Variants in CEP128 observed in about 807,000 individuals in gnomAD.
CEP128 encodes the protein centrosomal protein 128kDa.
A neutral mutation model predicts 156.7 loss-of-function variants in CEP128; 132 were observed. The observed-to-expected ratio is 0.84, with a 90% CI of 0.73 to 0.97. The LOEUF is 0.97. Ranked by LOEUF, CEP128 falls within the 50% of genes least tolerant of loss-of-function variation. CEP128 has a pLI of 0.00. For synonymous variants in CEP128, 469 were observed against 448.9 expected (o/e 1.04, Z -0.57); for missense variants, 1,252 against 1,281.9 (o/e 0.98, Z 0.36).
At chr14:80,920,304 G>A (rs1349207743) in intron 2 of CEP128, among the ~76,000 whole-genome samples, 2 of 152,136 alleles carry the variant, frequency 1.3e-5, no homozygotes, top group South Asian at 2.1e-4. Flanking sequence ...AGGACTGATG[G>A]AGAGAGAAAC....
At position 80,583,329 on chromosome 14, in the gene CEP128, A is replaced by T. The variant is rs578051609; in HGVS notation, c.2807-2906T>A. 5.3e-5 allele frequency among the ~76,000 whole-genome samples: 8 copies of T among 149,772 alleles called. No homozygotes were observed. In the East Asian group the frequency reaches 5.9e-4, roughly 11 times the overall value. ...TAAGCAGACACCTGTTTTGGTTTTT[A>T]TTTTTTTTTTCTTTGTGCCACATAT... On this transcript the variant is annotated intron_variant, in intron 19 of 24. Coordinates refer to ENST00000555265, the MANE Select transcript of CEP128 (RefSeq NM_152446.5).
intron 13 of CEP128, among the ~76,000 whole-genome samples, chr14:80,825,236 T>A (rs1225964857): frequency 1.3e-5 from 2 of 152,212 alleles, no homozygotes; most frequent in Non-Finnish European, 2.9e-5. Flanking sequence ...ACCCCCCAAG[T>A]AATTGGTATT....
chr14:80,576,306 T>C (rs1462685783), intron 20 of CEP128, among the ~76,000 whole-genome samples: 1 of 152,106 alleles, frequency 6.6e-6, no homozygotes, highest in East Asian at 1.9e-4. Flanking sequence ...TTTCAATGTA[T>C]CTCAAACTCA....
intron 19 of CEP128, among the ~76,000 whole-genome samples, chr14:80,707,639 G>T (rs1342501223): frequency 6.6e-6 from 1 of 151,950 alleles, no homozygotes; most frequent in Non-Finnish European, 1.5e-5. Flanking sequence ...TCCAACATGA[G>T]GTCATACTGA....
intron 8 of CEP128, among the ~76,000 whole-genome samples, chr14:80,874,942 T>C (rs1020472131): frequency 6.6e-6 from 1 of 152,148 alleles, no homozygotes; most frequent in Non-Finnish European, 1.5e-5. Context: ...TTTAAAACAC[T>C]GGGAAGTTAA....
intron 19 of CEP128, among the ~76,000 whole-genome samples, chr14:80,734,855 A>G (rs1314591030): frequency 6.7e-6 from 1 of 150,244 alleles, no homozygotes; most frequent in Non-Finnish European, 1.5e-5. Flanking sequence ...TCAAAAAAAA[A>G]AAAAAAAAAA....
At chr14:80,716,559 T>G (rs1897613365) in intron 19 of CEP128, among the ~76,000 whole-genome samples, 1 of 152,226 alleles carries the variant, frequency 6.6e-6, no homozygotes, top group African/African-American at 2.4e-5. Context: ...GGTGCATCCA[T>G]GTAGTAAAAT....
intron 21 of CEP128, among the ~76,000 whole-genome samples, chr14:80,552,265 C>T (rs1324619652): frequency 1.3e-5 from 2 of 151,046 alleles, no homozygotes; most frequent in Admixed American, 6.6e-5. Context: ...GCTGAGATGG[C>T]GCTACTGCAC....
intron 19 of CEP128, among the ~76,000 whole-genome samples, chr14:80,603,733 T>C (rs1004069994): frequency 5.9e-5 from 9 of 152,182 alleles, no homozygotes; most frequent in African/African-American, 2.2e-4. Context: ...ATTATGAATA[T>C]AAATTATGTG....
intron 5 of CEP128, 26 bp from the exon 6 acceptor site, chr14:80,904,957 GTA>G (rs1439397647): frequency 7.7e-7 from 1 of 1,294,864 alleles, no homozygotes. Context: ...AAAAGGGAAG[GTA>G]TTAAAATACT....
intron 19 of CEP128, among the ~76,000 whole-genome samples, chr14:80,591,338 A>G (rs1436187856): frequency 6.6e-6 from 1 of 152,184 alleles, no homozygotes; most frequent in Non-Finnish European, 1.5e-5. Context: ...GGAAAGAAAA[A>G]AAAAAGCAGG....
chr14:80,500,072 C>A (rs751994089), intron 24 of CEP128, among the ~76,000 whole-genome samples: 17 of 152,202 alleles, frequency 1.1e-4, no homozygotes, highest in Middle Eastern at 3.2e-3. Flanking sequence ...TTCTTCCTGG[C>A]AGAAGGAATC....
intron 19 of CEP128, among the ~76,000 whole-genome samples, chr14:80,662,393 T>G (rs894191220): frequency 1.4e-4 from 21 of 152,206 alleles, no homozygotes; most frequent in Non-Finnish European, 2.9e-4. Flanking sequence ...ACTATCCTTC[T>G]TAATTATTGG....
intron 14 of CEP128, among the ~76,000 whole-genome samples, chr14:80,790,138 A>C (rs946083000): frequency 6.6e-6 from 1 of 152,126 alleles, no homozygotes; most frequent in Non-Finnish European, 1.5e-5. Context: ...ATGGTAATTT[A>C]AGATTCTTGA....
intron 18 of CEP128, among the ~76,000 whole-genome samples, chr14:80,749,334 T>C (rs1899270571): frequency 6.6e-6 from 1 of 152,200 alleles, no homozygotes; most frequent in Non-Finnish European, 1.5e-5. Context: ...GCTCCCACAT[T>C]TGTTGTGGCA....
In CEP128 at chr14:80,570,687, G is replaced by A. The variant is rs112568054; in HGVS notation, c.2856+9687C>T. On this transcript the variant is annotated intron_variant, in intron 20 of 24. Coordinates refer to ENST00000555265, the MANE Select transcript of CEP128 (RefSeq NM_152446.5). ...AACAGCCCAGCAAAATGGAACTAATGGAAATATCATATGCATACAGTGAGG... is the reference window on the plus strand; with the variant it reads ...AACAGCCCAGCAAAATGGAACTAATAGAAATATCATATGCATACAGTGAGG... Among the ~76,000 whole-genome samples, 34 of 152,158 alleles carry A rather than the reference G, an allele frequency of 2.2e-4. 1 individual carries two copies. The highest frequency in any genetic ancestry group is 7.7e-4 in the African/African-American group (32 of 41,516).
chr14:80,637,898 C>T (rs1894254937), intron 19 of CEP128, among the ~76,000 whole-genome samples: 1 of 152,150 alleles, frequency 6.6e-6, no homozygotes, highest in South Asian at 2.1e-4. Context: ...TCAAGAAATG[C>T]CAGCAGTCAC....
At chr14:80,800,373 G>A (rs10139628) in intron 13 of CEP128, among the ~76,000 whole-genome samples, 9,919 of 152,170 alleles carry the variant, frequency 0.065, 1,075 homozygotes, top group African/African-American at 0.23. Context: ...TTTATATCTT[G>A]CTAGCAACAA....
At chr14:80,676,559 C>T (rs929735020) in intron 19 of CEP128, among the ~76,000 whole-genome samples, 2 of 152,004 alleles carry the variant, frequency 1.3e-5, no homozygotes, top group African/African-American at 4.8e-5. Flanking sequence ...TAGCTGGCAG[C>T]TAAGACTAGT....
Sources: gnomAD v4.1 joint callset for allele counts (sites outside exome capture counted in the v4.1 genomes callset) on GRCh38, gnomAD v4.1.1 for gene constraint, MANE v1.5 for transcripts, NCBI Gene and HGNC (gene_info 2026-07-23, HGNC 2026-07-21) for gene names.